GYS2: variants seen among roughly 807,000 people sequenced by gnomAD.
GYS2 encodes the protein glycogen [starch] synthase, liver.
GYS2 carries 80 observed loss-of-function variants against 85.6 expected under a neutral mutation model. The ratio of observed to expected loss-of-function variants is 0.93; its 90% CI spans 0.78 to 1.13. The LOEUF is 1.13. Among genes scored for constraint, GYS2 ranks in the 50% most tolerant of loss-of-function variants. The pLI is 0.00. For missense variants in GYS2, 881 were observed against 854.9 expected, an observed-to-expected ratio of 1.03 and a Z score of -0.38; for synonymous variants, 328 against 300.7, an observed-to-expected ratio of 1.09 and a Z score of -0.94.
chr12:21,557,995 G>A (rs999124456), intron 11 of GYS2, among the ~76,000 whole-genome samples: 1 of 152,116 alleles, frequency 6.6e-6, no homozygotes, highest in Non-Finnish European at 1.5e-5. Flanking sequence ...GTAGCTCAAA[G>A]CTATGAATAT....
intron 12 of GYS2, 39 bp from the exon 13 acceptor site, chr12:21,542,630 G>C (rs774588460): frequency 1.6e-5 from 22 of 1,373,136 alleles, no homozygotes; most frequent in African/African-American, 2.8e-5. Context: ...CTTCAGACCA[G>C]CGCCTATATC....
At chr12:21,604,242 C>T (rs1944782639) in intron 1 of GYS2, among the ~76,000 whole-genome samples, 1 of 152,128 alleles carries the variant, frequency 6.6e-6, no homozygotes, top group Non-Finnish European at 1.5e-5. Flanking sequence ...CATTCCATGG[C>T]AATGGCTAAT....
At chr12:21,588,512 A>G (rs926000958) in intron 1 of GYS2, among the ~76,000 whole-genome samples, 4 of 152,192 alleles carry the variant, frequency 2.6e-5, no homozygotes, top group Non-Finnish European at 4.4e-5. Flanking sequence ...CCAAAATGCA[A>G]GCAATTTTCA....
At chr12:21,595,891 A>T (rs1351791111) in intron 1 of GYS2, among the ~76,000 whole-genome samples, 1 of 152,192 alleles carries the variant, frequency 6.6e-6, no homozygotes, top group Non-Finnish European at 1.5e-5. Flanking sequence ...GTTCATCAAG[A>T]CAGAAAGTCA....
At chr12:21,595,920 T>C (rs1456334175) in intron 1 of GYS2, among the ~76,000 whole-genome samples, 5 of 152,144 alleles carry the variant, frequency 3.3e-5, no homozygotes, top group Non-Finnish European at 1.5e-5. Flanking sequence ...ATAATGGATT[T>C]AAATTATACC....
In GYS2 at chr12:21,537,117, T is replaced by C. The variant is rs1217746884; in HGVS notation, c.1949A>G (p.Gln650Arg). The change falls in exon 16 of 16, where the codon CAG (glutamine) becomes CGG (arginine). Residue 650 changes from glutamine to arginine, a missense_variant. Transcript: ENST00000261195. ...SSVPPSPSGS[Q>R]ASSPQSSDVE... ...ATCACTGCTCTGAGGACTGGAGGCCTGAGACCCTGAAGGAGAAGGTGGTAC... is the reference window on the plus strand; with the variant it reads ...ATCACTGCTCTGAGGACTGGAGGCCCGAGACCCTGAAGGAGAAGGTGGTAC... 4 of 1,613,782 alleles carry C rather than the reference T, an allele frequency of 2.5e-6. No homozygotes were observed. The highest frequency in any genetic ancestry group is 3.4e-6 in the Non-Finnish European group (4 of 1,179,740).
intron 12 of GYS2, among the ~76,000 whole-genome samples, 167 bp from the exon 13 acceptor site, chr12:21,542,758 A>G (rs369209020): frequency 5.0e-4 from 76 of 152,340 alleles, no homozygotes; most frequent in African/African-American, 1.8e-3. Flanking sequence ...TAATCTCTCA[A>G]CAACCCTGTG....
Position 21,574,164 on chromosome 12 carries a change from A to T in GYS2, c.658T>A (p.Phe220Ile). The T allele has an allele frequency of 6.2e-7, 1 of 1,612,670 alleles. No individual in the cohort carries two copies. The highest frequency in any genetic ancestry group is 8.5e-7 in the Non-Finnish European group (1 of 1,178,656). The change falls in exon 4 of 16, where the codon TTC becomes ATC. Residue 220 changes from phenylalanine to isoleucine, a missense_variant. By Grantham distance (21) the Phe-to-Ile change is conservative. Transcript: ENST00000261195. ...GRYLCAANID[F>I]YNHLDKFNID... ...TTTACCTTATCAAGATGGTTGTAGA[A>T]ATCAATATTTGCTGCACAGAGATAC...
In GYS2 at chr12:21,559,717, G is replaced by A; in HGVS notation, c.1170-7C>T. On this transcript the variant is annotated splice_region_variant and splice_polypyrimidine_tract_variant and intron_variant, in intron 8 of 15. Coordinates refer to ENST00000261195, the MANE Select transcript of GYS2 (RefSeq NM_021957.4). ...CACAGAATGTGCAACATCCCTGTTT[G>A]AAACAGAAAGATTTATCATTTAAAC... 6.5e-7 allele frequency: 1 copy of A among 1,542,218 alleles called. No individual in the cohort carries two copies. The highest frequency in any genetic ancestry group is 9.0e-7 in the Non-Finnish European group (1 of 1,114,832).
intron 1 of GYS2, among the ~76,000 whole-genome samples, chr12:21,582,562 CATATAG>C (rs1028844356): frequency 6.7e-6 from 1 of 149,588 alleles, no homozygotes; most frequent in African/African-American, 2.5e-5. Flanking sequence ...AATAAACTCT[CATATAG>C]ATATAGATAT....
intron 5 of GYS2, 57 bp downstream of exon 5, chr12:21,568,808 C>G (rs993079475): frequency 1.2e-5 from 18 of 1,491,504 alleles, no homozygotes; most frequent in South Asian, 6.8e-5. Context: ...AAACAAAATC[C>G]TCATAGTGTA....
intron 1 of GYS2, among the ~76,000 whole-genome samples, chr12:21,588,614 G>T (rs1944599738): frequency 6.6e-6 from 1 of 152,210 alleles, no homozygotes; most frequent in Non-Finnish European, 1.5e-5. Flanking sequence ...CTGTCATTGA[G>T]CAGAGTCTGA....
intron 1 of GYS2, among the ~76,000 whole-genome samples, chr12:21,598,215 A>G (rs1166371180): frequency 6.6e-6 from 1 of 152,150 alleles, no homozygotes; most frequent in Non-Finnish European, 1.5e-5. Flanking sequence ...AATGTTCCTA[A>G]CACATAGAAA....
At chr12:21,594,663 C>T (rs535620303) in intron 1 of GYS2, among the ~76,000 whole-genome samples, 11 of 152,162 alleles carry the variant, frequency 7.2e-5, no homozygotes, top group African/African-American at 2.2e-4. Flanking sequence ...TTAAAATGGC[C>T]ATACTACCCA....
intron 11 of GYS2, among the ~76,000 whole-genome samples, chr12:21,551,078 T>C (rs994004094): frequency 2.6e-5 from 4 of 151,734 alleles, no homozygotes; most frequent in Non-Finnish European, 5.9e-5. Context: ...GTTACATACG[T>C]ATACATGTGC....
At chr12:21,585,181 T>C (rs1944558763) in intron 1 of GYS2, among the ~76,000 whole-genome samples, 1 of 152,194 alleles carries the variant, frequency 6.6e-6, no homozygotes, top group Non-Finnish European at 1.5e-5. Context: ...AAATTTTTGC[T>C]TCCTGTTCCC....
chr12:21,594,150 A>G (rs944891879), intron 1 of GYS2, among the ~76,000 whole-genome samples: 1 of 152,208 alleles, frequency 6.6e-6, no homozygotes, highest in Non-Finnish European at 1.5e-5. Context: ...ATCATACTGA[A>G]TTGGGAAAAG....
At chr12:21,557,483 T>C (rs1565597752) in intron 11 of GYS2, among the ~76,000 whole-genome samples, 2 of 152,234 alleles carry the variant, frequency 1.3e-5, no homozygotes, top group Non-Finnish European at 2.9e-5. Context: ...TCTCTGAAAC[T>C]GGAAGTTCCT....
chr12:21,584,569 A>T (rs2136918898), intron 1 of GYS2, among the ~76,000 whole-genome samples: 1 of 152,306 alleles, frequency 6.6e-6, no homozygotes, highest in African/African-American at 2.4e-5. Flanking sequence ...CACTCACCAA[A>T]GCTGACCTGG....
Sources: gnomAD v4.1 joint callset for allele counts (sites outside exome capture counted in the v4.1 genomes callset) on GRCh38, gnomAD v4.1.1 for gene constraint, MANE v1.5 for transcripts, NCBI Gene and HGNC (gene_info 2026-07-23, HGNC 2026-07-21) for gene names.